Variants in CHCHD6 observed in about 807,000 individuals in gnomAD.
CHCHD6 encodes MICOS complex subunit MIC25.
CHCHD6 carries 28 observed loss-of-function variants against 32.3 expected under a neutral mutation model. The ratio of observed to expected loss-of-function variants is 0.87; its 90% CI spans 0.64 to 1.19. CHCHD6 has a LOEUF of 1.19. CHCHD6 is among the 50% of genes most tolerant of loss of function. The probability of loss-of-function intolerance (pLI) is 0.00; values close to 1 mark genes in which losing one functional copy is unlikely to be tolerated. For synonymous variants in CHCHD6, 122 were observed against 117.5 expected (o/e 1.04, Z -0.25); for missense variants, 333 against 307.0 (o/e 1.08, Z -0.63).
At chr3:126,848,639 C>T (rs1941372011) in intron 4 of CHCHD6, among the ~76,000 whole-genome samples, 1 of 152,126 alleles carries the variant, frequency 6.6e-6, no homozygotes, top group Non-Finnish European at 1.5e-5. Flanking sequence ...ATGAAGAGAT[C>T]TGTAAGAAAC....
At chr3:126,752,360 T>C (rs1416449715) in intron 4 of CHCHD6, among the ~76,000 whole-genome samples, 2 of 152,184 alleles carry the variant, frequency 1.3e-5, no homozygotes, top group African/African-American at 4.8e-5. Flanking sequence ...GCAGCCCCTC[T>C]TCTGGGATCC....
chr3:126,844,756 T>G (rs550478256), intron 4 of CHCHD6, among the ~76,000 whole-genome samples: 1 of 152,268 alleles, frequency 6.6e-6, no homozygotes, highest in African/African-American at 2.4e-5. Context: ...TTTGCAGGTG[T>G]GATTAAGTTA....
intron 4 of CHCHD6, among the ~76,000 whole-genome samples, chr3:126,734,064 C>G (rs1298163582): frequency 6.6e-6 from 1 of 152,190 alleles, no homozygotes; most frequent in Admixed American, 6.5e-5. Context: ...AGAGGCTGTG[C>G]CGACCCTTGT....
chr3:126,786,881 A>G (rs1033877797), intron 4 of CHCHD6, among the ~76,000 whole-genome samples: 16 of 152,204 alleles, frequency 1.1e-4, no homozygotes, highest in African/African-American at 3.6e-4. Context: ...TTGGTGTTTT[A>G]GACATGAAGT....
chr3:126,707,515 T>A (rs749293600), intron 1 of CHCHD6, among the ~76,000 whole-genome samples: 12 of 152,210 alleles, frequency 7.9e-5, no homozygotes, highest in Non-Finnish European at 1.8e-4. Context: ...ATGGCGCATA[T>A]GTGTCTGCCT....
intron 6 of CHCHD6, among the ~76,000 whole-genome samples, chr3:126,916,312 A>C (rs1216500032): frequency 1.3e-5 from 2 of 151,960 alleles, no homozygotes; most frequent in Admixed American, 6.6e-5. Flanking sequence ...GAGGTGGAAG[A>C]ATCACTTGAA....
At chr3:126,736,384 G>T (rs1051892959) in intron 4 of CHCHD6, among the ~76,000 whole-genome samples, 8 of 152,112 alleles carry the variant, frequency 5.3e-5, no homozygotes, top group South Asian at 2.1e-4. Context: ...TGAGTTGTCT[G>T]CCCACTCCTC....
intron 1 of CHCHD6, among the ~76,000 whole-genome samples, chr3:126,707,294 C>T (rs1434075603): frequency 6.6e-6 from 1 of 151,792 alleles, no homozygotes; most frequent in Non-Finnish European, 1.5e-5. Context: ...AAGTGCTAGG[C>T]CTTGCTAGTT....
intron 6 of CHCHD6, among the ~76,000 whole-genome samples, chr3:126,955,461 G>C (rs1157102918): frequency 1.3e-5 from 2 of 152,250 alleles, no homozygotes. Flanking sequence ...AGTCAGAATT[G>C]TGACCTCAAT....
At chr3:126,911,918 A>AG (rs1383672779) in intron 5 of CHCHD6, among the ~76,000 whole-genome samples, 21 of 152,080 alleles carry the variant, frequency 1.4e-4, no homozygotes. Context: ...CCACAGGAAG[A>AG]GGGGTTTGGC....
intron 4 of CHCHD6, among the ~76,000 whole-genome samples, chr3:126,765,355 TACTC>T (rs1230596563): frequency 3.3e-5 from 5 of 152,096 alleles, no homozygotes; most frequent in African/African-American, 9.7e-5. Flanking sequence ...GGCACCTCAT[TACTC>T]ACTCAGCACA....
chr3:126,788,915 G>A (rs1938375523), intron 4 of CHCHD6, among the ~76,000 whole-genome samples: 1 of 152,042 alleles, frequency 6.6e-6, no homozygotes, highest in African/African-American at 2.4e-5. Flanking sequence ...TGTGATGTCA[G>A]GATGTCAATT....
intron 6 of CHCHD6, among the ~76,000 whole-genome samples, chr3:126,954,845 G>A (rs1277523420): frequency 6.6e-6 from 1 of 152,220 alleles, no homozygotes; most frequent in African/African-American, 2.4e-5. Context: ...AGCAGTATAG[G>A]TGACAAGAGA....
At chr3:126,944,147 C>T (rs1040450416) in intron 6 of CHCHD6, among the ~76,000 whole-genome samples, 1 of 152,220 alleles carries the variant, frequency 6.6e-6, no homozygotes, top group Non-Finnish European at 1.5e-5. Context: ...TGGCAATAGG[C>T]GCTGAGCTGT....
chr3:126,808,181 C>A (rs1939500007), intron 4 of CHCHD6, among the ~76,000 whole-genome samples: 1 of 152,136 alleles, frequency 6.6e-6, no homozygotes. Context: ...AATTCAATTC[C>A]TTGTGGGCTG....
At chr3:126,921,962 C>T (rs2078255642) in intron 6 of CHCHD6, among the ~76,000 whole-genome samples, 1 of 152,220 alleles carries the variant, frequency 6.6e-6, no homozygotes, top group Non-Finnish European at 1.5e-5. Context: ...ATCCAGATAA[C>T]ATTCGTCTTA....
intron 6 of CHCHD6, among the ~76,000 whole-genome samples, chr3:126,939,567 G>T (rs73209637): frequency 0.026 from 3,896 of 152,306 alleles, 60 homozygotes; most frequent in Middle Eastern, 0.058. Context: ...AAGAATGCCT[G>T]TAGATGGCGT....
chr3:126,951,266 T>C (rs1184552488), intron 6 of CHCHD6, among the ~76,000 whole-genome samples: 1 of 152,226 alleles, frequency 6.6e-6, no homozygotes, highest in East Asian at 1.9e-4. Flanking sequence ...AATGCAAAAC[T>C]GTAAGTCAAT....
At chr3:126,774,257 C>G (rs917109252) in intron 4 of CHCHD6, among the ~76,000 whole-genome samples, 1 of 152,156 alleles carries the variant, frequency 6.6e-6, no homozygotes, top group Non-Finnish European at 1.5e-5. Context: ...AGTCAAGATA[C>G]AGAGACTGTT....
Sources: gnomAD v4.1 joint callset for allele counts (sites outside exome capture counted in the v4.1 genomes callset) on GRCh38, gnomAD v4.1.1 for gene constraint, MANE v1.5 for transcripts, NCBI Gene and HGNC (gene_info 2026-07-23, HGNC 2026-07-21) for gene names.